The following SPOCK3 variants were observed in gnomAD, a reference collection of about 807,000 sequenced individuals.
SPOCK3 encodes testican-3.
A neutral mutation model predicts 56.6 loss-of-function variants in SPOCK3; 30 were observed. The observed-to-expected ratio is 0.53, with a 90% confidence interval of 0.40 to 0.72. The LOEUF (loss-of-function observed/expected upper bound fraction) is 0.72, where lower values mean the gene tolerates loss of function less well. Among genes scored for constraint, SPOCK3 ranks in the 30% least tolerant of loss-of-function variants. The pLI, the probability that SPOCK3 is intolerant of heterozygous loss-of-function variation, is 0.00. For synonymous variants in SPOCK3, 196 were observed against 183.3 expected, an observed-to-expected ratio of 1.07 and a Z score of -0.56; for missense variants, 527 against 530.0, an observed-to-expected ratio of 0.99 and a Z score of 0.06.
rs1734347484 is a variant in SPOCK3 at position 166,737,611 on chromosome 4, A to G, written c.995-7T>C. ...CACAGGGGGATATACTGTCCTGTTG[A>G]AACAACACACAGGCATACAAACACA... On this transcript the variant is annotated splice_region_variant and splice_polypyrimidine_tract_variant and intron_variant, in intron 9 of 10. Transcript: ENST00000357545. The G allele has an allele frequency of 2.5e-6, 4 of 1,604,406 alleles. No individual in the cohort carries two copies. Among genetic ancestry groups the G allele is most frequent in the Non-Finnish European group, 2.6e-6 (3 of 1,175,998 alleles).
chr4:166,912,587 T>C, intron 5 of SPOCK3, 33 bp downstream of exon 5: 2 of 1,606,566 alleles, frequency 1.2e-6, no homozygotes, highest in South Asian at 2.2e-5. Context: ...ATGCATCCCT[T>C]ATTTCAAACT....
chr4:166,950,511 C>T (rs889201513), intron 4 of SPOCK3, among the ~76,000 whole-genome samples: 3 of 151,922 alleles, frequency 2.0e-5, no homozygotes, highest in African/African-American at 7.3e-5. Flanking sequence ...CCGCTGTCAA[C>T]ATTAGACAGA....
At chr4:167,202,127 T>C (rs1733575148) in intron 2 of SPOCK3, among the ~76,000 whole-genome samples, 1 of 152,100 alleles carries the variant, frequency 6.6e-6, no homozygotes. Context: ...TACTACCTGC[T>C]TCACCTACTC....
At chr4:166,936,265 A>G (rs1026482732) in intron 4 of SPOCK3, among the ~76,000 whole-genome samples, 7 of 152,150 alleles carry the variant, frequency 4.6e-5, no homozygotes, top group Admixed American at 3.3e-4. Flanking sequence ...AAGCAATATT[A>G]ACATATACTT....
At chr4:166,772,028 C>T (rs948379094) in intron 7 of SPOCK3, among the ~76,000 whole-genome samples, 2 of 151,678 alleles carry the variant, frequency 1.3e-5, no homozygotes, top group Admixed American at 6.6e-5. Flanking sequence ...TCCATAAAAC[C>T]GAAGATTTTG....
chr4:166,993,941 C>T (rs1748081330), intron 4 of SPOCK3, among the ~76,000 whole-genome samples: 1 of 152,120 alleles, frequency 6.6e-6, no homozygotes, highest in African/African-American at 2.4e-5. Flanking sequence ...ATTATCAACT[C>T]TATGTTTTAA....
intron 2 of SPOCK3, among the ~76,000 whole-genome samples, chr4:167,201,804 A>G (rs1468131052): frequency 6.6e-6 from 1 of 151,858 alleles, no homozygotes; most frequent in African/African-American, 2.4e-5. Flanking sequence ...AAACTAATGT[A>G]TCTTCTAAGG....
chr4:166,921,148 C>A (rs968705589), intron 4 of SPOCK3, among the ~76,000 whole-genome samples: 1 of 152,144 alleles, frequency 6.6e-6, no homozygotes, highest in Non-Finnish European at 1.5e-5. Context: ...TCTGCATTAG[C>A]TCTGACAGCT....
intron 3 of SPOCK3, among the ~76,000 whole-genome samples, chr4:167,023,967 A>C (rs1290468198): frequency 1.3e-5 from 2 of 152,078 alleles, no homozygotes; most frequent in African/African-American, 4.8e-5. Context: ...GAAAGAAGTC[A>C]AAATGTATAT....
intron 7 of SPOCK3, among the ~76,000 whole-genome samples, chr4:166,776,995 T>A (rs1739620462): frequency 6.6e-6 from 1 of 152,188 alleles, no homozygotes; most frequent in Non-Finnish European, 1.5e-5. Flanking sequence ...GTGAAAAATG[T>A]GAATATTACA....
At chr4:166,740,590 A>G (rs1288803383) in intron 9 of SPOCK3, among the ~76,000 whole-genome samples, 1 of 151,342 alleles carries the variant, frequency 6.6e-6, no homozygotes, top group East Asian at 1.9e-4. Flanking sequence ...CGGTGGTGCC[A>G]TCTCGGCTCA....
chr4:166,991,481 T>G (rs967377548), intron 4 of SPOCK3, among the ~76,000 whole-genome samples: 5 of 152,000 alleles, frequency 3.3e-5, no homozygotes, highest in African/African-American at 1.2e-4. Flanking sequence ...TGATTTCTCG[T>G]GCCTCAGCCT....
chr4:167,041,697 G>T (rs754679517), intron 3 of SPOCK3, among the ~76,000 whole-genome samples: 1 of 152,046 alleles, frequency 6.6e-6, no homozygotes, highest in Non-Finnish European at 1.5e-5. Flanking sequence ...TTATACTGTA[G>T]GATGACTACA....
rs182027510 is a variant in SPOCK3, at chr4:166,755,913, G to C, written c.710-1184C>G. On this transcript the variant is annotated intron_variant, in intron 7 of 10. Coordinates refer to ENST00000357545, the MANE Select transcript of SPOCK3 (RefSeq NM_001040159.2). ...GAGATTTGGGACAGGAACAGCTCCG[G>C]TCTACAGCTCCCAGCGTGAGCGACG... Among the ~76,000 whole-genome samples the C allele has an allele frequency of 1.1e-3, 8 of 7,258 alleles. 3 individuals carry two copies. The highest frequency in any genetic ancestry group is 2.8e-3 in the East Asian group (3 of 1,072). 4.8% of individuals were successfully genotyped at this position (7,258 alleles called of 152,430 possible).
intron 4 of SPOCK3, among the ~76,000 whole-genome samples, chr4:166,936,876 A>G (rs1355117805): frequency 6.6e-6 from 1 of 152,138 alleles, no homozygotes; most frequent in African/African-American, 2.4e-5. Context: ...GAATTTATCT[A>G]TATTCCAAAT....
At chr4:167,065,117 G>GA (rs1185860659) in intron 2 of SPOCK3, among the ~76,000 whole-genome samples, 2 of 138,010 alleles carry the variant, frequency 1.4e-5, no homozygotes, top group African/African-American at 5.6e-5. Context: ...AATGCAAGAA[G>GA]AAAAAATGTT....
intron 3 of SPOCK3, among the ~76,000 whole-genome samples, chr4:167,020,414 G>C (rs1419826688): frequency 6.6e-6 from 1 of 152,002 alleles, no homozygotes; most frequent in African/African-American, 2.4e-5. Context: ...AATTCATGTT[G>C]AAACTTAATC....
chr4:166,911,641 C>A (rs1437572672), intron 5 of SPOCK3, among the ~76,000 whole-genome samples: 1 of 151,958 alleles, frequency 6.6e-6, no homozygotes, highest in Non-Finnish European at 1.5e-5. Flanking sequence ...TGGTTCAAGT[C>A]ATTCTTCTGC....
chr4:166,961,774 T>G (rs1461374747), intron 4 of SPOCK3, among the ~76,000 whole-genome samples: 1 of 152,138 alleles, frequency 6.6e-6, no homozygotes, highest in East Asian at 1.9e-4. Flanking sequence ...TCAAAAATAT[T>G]ATTTTAATTG....
Sources: allele counts gnomAD v4.1 joint callset (sites outside exome capture counted in the v4.1 genomes callset), GRCh38; gene constraint gnomAD v4.1.1; transcripts MANE v1.5; gene names NCBI Gene and HGNC (gene_info 2026-07-23, HGNC 2026-07-21).